The following CDC42BPA variants were observed in gnomAD, a reference collection of about 807,000 sequenced individuals.
CDC42BPA encodes serine/threonine-protein kinase MRCK alpha.
In CDC42BPA, 80 loss-of-function variants were observed where a neutral mutation model predicts 223.5. The ratio of observed to expected loss-of-function variants is 0.36; its 90% CI spans 0.30 to 0.43. CDC42BPA has a LOEUF of 0.43. Ranked by LOEUF, CDC42BPA falls within the 20% of genes least tolerant of loss-of-function variation. CDC42BPA has a pLI of 1.00. For synonymous variants in CDC42BPA, 694 were observed against 718.6 expected, an observed-to-expected ratio of 0.97 and a Z score of 0.55; for missense variants, 1,743 against 2,099.9, an observed-to-expected ratio of 0.83 and a Z score of 3.32.
chr1:227,141,958 A>G (rs954182793), intron 9 of CDC42BPA, among the ~76,000 whole-genome samples: 6 of 152,050 alleles, frequency 3.9e-5, no homozygotes, highest in African/African-American at 1.4e-4. Flanking sequence ...GCTGCCCAGA[A>G]CAAGACCCCA....
intron 1 of CDC42BPA, among the ~76,000 whole-genome samples, chr1:227,271,505 T>C (rs1355650785): frequency 6.6e-6 from 1 of 151,876 alleles, no homozygotes; most frequent in Non-Finnish European, 1.5e-5. Flanking sequence ...AAATTTTTCC[T>C]GTAGGAAAAA....
intron 5 of CDC42BPA, among the ~76,000 whole-genome samples, chr1:227,170,374 G>A (rs941714129): frequency 1.3e-5 from 2 of 151,528 alleles, no homozygotes; most frequent in African/African-American, 4.9e-5. Flanking sequence ...CCAACCACAG[G>A]TGAGCTACTG....
At chr1:227,019,772 T>G (rs1667030170) in intron 32 of CDC42BPA, among the ~76,000 whole-genome samples, 1 of 152,214 alleles carries the variant, frequency 6.6e-6, no homozygotes. Context: ...AAAGAAGTAT[T>G]ACTTTTCTGA....
chr1:227,102,341 A>G (rs970906215), intron 14 of CDC42BPA, among the ~76,000 whole-genome samples: 21 of 152,198 alleles, frequency 1.4e-4, no homozygotes, highest in South Asian at 8.3e-4. Context: ...AGATCGTCCA[A>G]TGGTTTATGA....
At chr1:227,074,457 G>C in intron 17 of CDC42BPA, 93 bp from the exon 18 acceptor site, 1 of 887,826 alleles carries the variant, frequency 1.1e-6, no homozygotes, top group Non-Finnish European at 1.7e-6. Context: ...ATAAGTGGTA[G>C]GAAATTCAAA....
At chr1:227,133,973 G>GAATA (rs71179195) in intron 10 of CDC42BPA, among the ~76,000 whole-genome samples, 10,560 of 146,304 alleles carry the variant, frequency 0.072, 1,142 homozygotes, top group African/African-American at 0.24. Flanking sequence ...AAAAATAAAT[G>GAATA]AATAAATAAA....
At chr1:227,207,120 C>T (rs1672888534) in intron 3 of CDC42BPA, among the ~76,000 whole-genome samples, 1 of 118,222 alleles carries the variant, frequency 8.5e-6, no homozygotes, top group Non-Finnish European at 1.6e-5. Context: ...GTGTGATGTT[C>T]CCCTTCCTGT....
At chr1:227,277,906 C>T (rs370681077) in intron 1 of CDC42BPA, among the ~76,000 whole-genome samples, 25 of 152,208 alleles carry the variant, frequency 1.6e-4, no homozygotes, top group South Asian at 1.2e-3. Flanking sequence ...CCCGCCACGA[C>T]GCCCGGCTAA....
intron 1 of CDC42BPA, among the ~76,000 whole-genome samples, chr1:227,290,980 C>A (rs1275107918): frequency 6.6e-6 from 1 of 152,132 alleles, no homozygotes; most frequent in Non-Finnish European, 1.5e-5. Context: ...GAATCCATTC[C>A]GTCTTCCTAA....
intron 17 of CDC42BPA, among the ~76,000 whole-genome samples, chr1:227,076,379 C>T (rs1188204872): frequency 1.3e-5 from 2 of 152,166 alleles, no homozygotes; most frequent in African/African-American, 4.8e-5. Flanking sequence ...ACCTCAGCCT[C>T]CCTAGTAGCT....
intron 2 of CDC42BPA, among the ~76,000 whole-genome samples, chr1:227,232,774 G>A (rs1287059270): frequency 5.3e-5 from 8 of 152,226 alleles, no homozygotes; most frequent in Admixed American, 5.2e-4. Context: ...TCTTCTGGAA[G>A]CTTCGTCTCA....
chr1:227,041,742 T>C lies in CDC42BPA; in HGVS notation c.3094-1506A>G, dbSNP rs187115326. Among the ~76,000 whole-genome samples, 53 of 152,304 alleles carry C rather than the reference T, an allele frequency of 3.5e-4. 1 individual carries two copies. Among genetic ancestry groups the C allele is most frequent in the Non-Finnish European group, 5.9e-5 (4 of 68,016 alleles). On this transcript the variant is annotated intron_variant, in intron 23 of 36. Coordinates refer to ENST00000366766, the MANE Select transcript of CDC42BPA (RefSeq NM_001394014.1). ...GGTCCAACCTCAAAGCATTGTGTTCTAGAAGTTCCTCACGATCTTTTGGTC... is the reference window on the plus strand; with the variant it reads ...GGTCCAACCTCAAAGCATTGTGTTCCAGAAGTTCCTCACGATCTTTTGGTC...
intron 22 of CDC42BPA, among the ~76,000 whole-genome samples, chr1:227,049,947 C>CAT (rs1258218525): frequency 1.5e-5 from 2 of 136,538 alleles, no homozygotes; most frequent in Non-Finnish European, 3.2e-5. Flanking sequence ...ATAATCTCTG[C>CAT]ATAGAGAACT....
At chr1:227,009,156 C>G (rs894233817) in intron 34 of CDC42BPA, among the ~76,000 whole-genome samples, 1 of 152,026 alleles carries the variant, frequency 6.6e-6, no homozygotes, top group Non-Finnish European at 1.5e-5. Context: ...TTAGTAACAA[C>G]TTAGTAGCTT....
At chr1:227,059,380 C>A (rs1675317701) in intron 21 of CDC42BPA, 2 of 1,562,968 alleles carry the variant, frequency 1.3e-6, no homozygotes. Flanking sequence ...TACACGTCTG[C>A]CTTTGCTAGC....
chr1:227,144,499 C>T lies in CDC42BPA; in HGVS notation c.1143+990G>A, dbSNP rs556831968. ...CTGAGGCAGGAGAACGGCGTGAACC[C>T]GGAAGGCGGAGCTTGCAATGAGCCG... On this transcript the variant is annotated intron_variant, in intron 8 of 36. Transcript: ENST00000366766. Among the ~76,000 whole-genome samples the T allele has an allele frequency of 8.9e-5, 12 of 134,190 alleles. No homozygotes were observed. In the South Asian group the frequency reaches 1.7e-3, roughly 19 times the overall value. The allele number at this position is 134,190 out of a possible 152,430, so 88.0% of individuals were successfully genotyped here. A position where few individuals can be genotyped will look rare whatever the true frequency, so the allele number is the denominator to read the frequency against.
In CDC42BPA at chr1:227,108,452, T is replaced by C. The variant is rs150740177; in HGVS notation, c.2001+3860A>G. On this transcript the variant is annotated intron_variant, in intron 14 of 36. Transcript: ENST00000366766. Reference sequence around the variant, plus strand: ...ATTGATTTCTAGCTCCATTCCATTGTGGTTGGAGATGATACCTCATACGAC... The same window carrying C: ...ATTGATTTCTAGCTCCATTCCATTGCGGTTGGAGATGATACCTCATACGAC... Among the ~76,000 whole-genome samples, 174 of 152,216 alleles carry C rather than the reference T, an allele frequency of 1.1e-3. 4 individuals carry two copies. The East Asian group carries it at 0.029, about 25-fold the overall frequency.
intron 10 of CDC42BPA, among the ~76,000 whole-genome samples, chr1:227,134,293 T>A (rs542087370): frequency 6.6e-6 from 1 of 152,258 alleles, no homozygotes; most frequent in East Asian, 1.9e-4. Context: ...TAATTTCTAC[T>A]CTCCTCCTAC....
At chr1:227,281,184 T>G (rs1222361292) in intron 1 of CDC42BPA, among the ~76,000 whole-genome samples, 7 of 152,208 alleles carry the variant, frequency 4.6e-5, no homozygotes, top group Admixed American at 4.6e-4. Context: ...AACCCTTTAT[T>G]GCTGTGGTTT....
Sources: allele counts gnomAD v4.1 joint callset (sites outside exome capture counted in the v4.1 genomes callset), GRCh38; gene constraint gnomAD v4.1.1; transcripts MANE v1.5; gene names NCBI Gene and HGNC (gene_info 2026-07-23, HGNC 2026-07-21).